PUDP: variants seen among roughly 807,000 people sequenced by gnomAD.
PUDP encodes pseudouridine-5'-phosphatase.
Under a neutral mutation model 9.4 loss-of-function variants are expected in PUDP, and 8 were observed. The ratio of observed to expected loss-of-function variants is 0.85; its 90% CI spans 0.50 to 1.53. PUDP has a LOEUF of 1.53. PUDP is among the 40% of genes most tolerant of loss of function. The pLI, the probability that PUDP is intolerant of heterozygous loss-of-function variation, is 0.00. For synonymous variants in PUDP, 99 were observed against 80.7 expected (o/e 1.23, Z -1.22); for missense variants, 188 against 189.7 (o/e 0.99, Z 0.05).
At chrX:6,853,453 GT>G (rs72551708) in intron 3 of PUDP, among the ~76,000 whole-genome samples, 91 of 99,756 alleles carry the variant, frequency 9.1e-4, no homozygotes, top group East Asian at 3.5e-3. Flanking sequence ...TTTTGTGTGT[GT>G]TTTTTTTTTT....
chrX:6,784,506 G>A (rs1925615428), intron 3 of PUDP, among the ~76,000 whole-genome samples: 1 of 111,179 alleles, frequency 9.0e-6, no homozygotes, highest in Admixed American at 9.6e-5. Flanking sequence ...TCTACCGAAG[G>A]GAAACCAGCT....
intron 3 of PUDP, among the ~76,000 whole-genome samples, chrX:6,860,468 G>GTTTTT (rs1462065871): frequency 2.0e-5 from 2 of 100,451 alleles, no homozygotes. Flanking sequence ...GTGGTTTTTT[G>GTTTTT]TTTTTTGTTT....
intron 3 of PUDP, among the ~76,000 whole-genome samples, chrX:6,795,628 G>A (rs926079722): frequency 1.8e-5 from 2 of 111,216 alleles, no homozygotes; most frequent in African/African-American, 6.5e-5. Context: ...TGGTAAATAA[G>A]GAAACCTACC....
chrX:7,117,018 T>C (rs1282483883), intron 1 of PUDP: 5 of 1,165,775 alleles, frequency 4.3e-6, no homozygotes, highest in Non-Finnish European at 5.7e-6. Flanking sequence ...CAGCTGCCAC[T>C]ATGCTTCCTG....
chrX:7,146,968 T>C (rs969777276), intron 1 of PUDP, among the ~76,000 whole-genome samples: 40 of 110,086 alleles, frequency 3.6e-4, no homozygotes, highest in South Asian at 1.6e-3. Flanking sequence ...GACATGTTTA[T>C]AGATATATGA....
chrX:6,747,050 T>A (rs1925008044), intron 3 of PUDP, among the ~76,000 whole-genome samples: 1 of 111,849 alleles, frequency 8.9e-6, no homozygotes, highest in South Asian at 3.8e-4. Context: ...AAAGTGTTCC[T>A]AATTTTCCAC....
At chrX:7,075,730 G>A (rs941389991) in intron 3 of PUDP, among the ~76,000 whole-genome samples, 20 of 111,584 alleles carry the variant, frequency 1.8e-4, no homozygotes, top group African/African-American at 5.2e-4. Context: ...CCCAGAGAGG[G>A]CAGGGGAGCA....
chrX:7,037,269 A>G (rs12690104), intron 1 of PUDP, among the ~76,000 whole-genome samples: 24,879 of 110,904 alleles, frequency 0.22, 2,338 homozygotes, highest in Admixed American at 0.4. Flanking sequence ...CCAGGCTCAC[A>G]AGGAGGCTGT....
intron 3 of PUDP, among the ~76,000 whole-genome samples, chrX:6,943,469 G>A (rs901450462): frequency 3.6e-5 from 4 of 111,214 alleles, no homozygotes; most frequent in African/African-American, 1.3e-4. Flanking sequence ...TATTATCCCA[G>A]ATTTTTCGTT....
rs1016184212 is a variant in PUDP at position 6,954,100 on chromosome X, T to C, written c.*247+23033A>G. Among the ~76,000 whole-genome samples, 4 of 110,483 alleles carry C rather than the reference T, an allele frequency of 3.6e-5. No individual in the cohort carries two copies. In the South Asian group the frequency reaches 1.6e-3, roughly 45 times the overall value. ...CCTTCTACCATGAGTGTAAGTTTCCTGAGGCATCCCCAGCCCTGTGCAACT... is the reference window on the plus strand; with the variant it reads ...CCTTCTACCATGAGTGTAAGTTTCCCGAGGCATCCCCAGCCCTGTGCAACT... On this transcript the variant is annotated intron_variant and NMD_transcript_variant, in intron 3 of 3. Transcript: ENST00000655425.
intron 1 of PUDP, among the ~76,000 whole-genome samples, chrX:7,133,539 C>T (rs1003966302): frequency 8.9e-6 from 1 of 112,110 alleles, no homozygotes; most frequent in African/African-American, 3.2e-5. Context: ...CCTAGCAGCA[C>T]GGACATCACT....
At chrX:6,738,033 G>GA (rs927001283) in intron 3 of PUDP, among the ~76,000 whole-genome samples, 14 of 110,902 alleles carry the variant, frequency 1.3e-4, no homozygotes, top group Admixed American at 2.9e-4. Context: ...AACTGGATAT[G>GA]AAAAAAAAGG....
chrX:7,136,008 ATT>A (rs760535266), intron 1 of PUDP, among the ~76,000 whole-genome samples: 97 of 111,319 alleles, frequency 8.7e-4, no homozygotes, highest in African/African-American at 3.0e-3. Context: ...TCTTTTATAG[ATT>A]TTTTTCCCCA....
intron 3 of PUDP, among the ~76,000 whole-genome samples, chrX:6,745,232 A>G (rs58128935): frequency 0.055 from 6,137 of 111,925 alleles, 163 homozygotes; most frequent in African/African-American, 0.094. Flanking sequence ...TCTCTCTGGC[A>G]CTGATACTTT....
intron 2 of PUDP, among the ~76,000 whole-genome samples, chrX:7,084,571 A>G (rs1339138132): frequency 1.8e-5 from 2 of 111,891 alleles, no homozygotes; most frequent in East Asian, 5.6e-4. Context: ...GCACTACACA[A>G]CAATGCTCAG....
rs1555911723 is a variant in PUDP at position 6,816,974 on chromosome X, C to CA, written c.*248-110509dup. Among the ~76,000 whole-genome samples, 11 of 91,445 alleles carry CA rather than the reference C, an allele frequency of 1.2e-4. No individual in the cohort carries two copies. In the East Asian group the frequency reaches 1.3e-3, roughly 11 times the overall value. The allele number at this position is 91,445 out of a possible 115,157, so 79.4% of individuals were successfully genotyped here. ...TATATGTATATACAATATATATACA[C>CA]ATATAGTATATACTATATAGTATAT... On this transcript the variant is annotated intron_variant and NMD_transcript_variant, in intron 3 of 3. Transcript: ENST00000655425.
At chrX:6,965,002 A>G (rs756327946) in intron 3 of PUDP, among the ~76,000 whole-genome samples, 1 of 111,890 alleles carries the variant, frequency 8.9e-6, no homozygotes, top group Non-Finnish European at 1.9e-5. Context: ...TCTGTGTGAT[A>G]TTTGCTTGAT....
intron 1 of PUDP, among the ~76,000 whole-genome samples, chrX:6,708,142 G>A (rs1159357389): frequency 8.9e-6 from 1 of 111,760 alleles, no homozygotes; most frequent in Non-Finnish European, 1.9e-5. Flanking sequence ...ACCAAGGAGA[G>A]ATGCCCTAAA....
At chrX:6,945,289 T>A (rs1190810632) in intron 3 of PUDP, among the ~76,000 whole-genome samples, 1 of 111,776 alleles carries the variant, frequency 8.9e-6, no homozygotes, top group Non-Finnish European at 1.9e-5. Context: ...CTTGGTTACA[T>A]CAGCAAGCCA....
Sources: allele counts gnomAD v4.1 joint callset (sites outside exome capture counted in the v4.1 genomes callset), GRCh38; gene constraint gnomAD v4.1.1; transcripts MANE v1.5; gene names NCBI Gene and HGNC (gene_info 2026-07-23, HGNC 2026-07-21).